The following BORCS8 variants were observed in gnomAD, a reference collection of about 807,000 sequenced individuals.
The protein encoded by BORCS8 is BLOC-1-related complex subunit 8.
BORCS8 carries 13 observed loss-of-function variants against 18.7 expected under a neutral mutation model. The observed-to-expected ratio is 0.70, with a 90% confidence interval of 0.45 to 1.11. BORCS8 has a LOEUF of 1.11. Among genes scored for constraint, BORCS8 ranks in the 50% least tolerant of loss-of-function variants. BORCS8 has a pLI of 0.00. For missense variants in BORCS8, 165 were observed against 165.7 expected (o/e 1.00, Z 0.02); for synonymous variants, 68 against 64.8 (o/e 1.05, Z -0.24).
intron 3 of BORCS8, among the ~76,000 whole-genome samples, chr19:19,185,491 G>T (rs2060397424): frequency 6.6e-6 from 1 of 152,168 alleles, no homozygotes; most frequent in South Asian, 2.1e-4. Context: ...TTTGAGACCA[G>T]CCTGGCCAAC....
intron 2 of BORCS8, 35 bp downstream of exon 2, chr19:19,186,858 A>G (rs1425629252): frequency 1.4e-6 from 2 of 1,443,194 alleles, no homozygotes; most frequent in Admixed American, 2.3e-5. Context: ...TCCTGCCCTG[A>G]CAGCCCCTGC....
chr19:19,191,011 A>C (rs1205721605), intron 1 of BORCS8, among the ~76,000 whole-genome samples: 1 of 152,208 alleles, frequency 6.6e-6, no homozygotes, highest in African/African-American at 2.4e-5. Flanking sequence ...AGTGATGTGT[A>C]GGCCTGTATT....
intron 3 of BORCS8, among the ~76,000 whole-genome samples, chr19:19,183,810 T>C (rs539585206): frequency 6.6e-6 from 1 of 150,914 alleles, no homozygotes; most frequent in African/African-American, 2.4e-5. Flanking sequence ...CCTCAGGGGA[T>C]CCTCCTGCCT....
At chr19:19,191,575 T>C (rs2060478849) in intron 1 of BORCS8, among the ~76,000 whole-genome samples, 1 of 150,976 alleles carries the variant, frequency 6.6e-6, no homozygotes, top group East Asian at 2.0e-4. Context: ...AATATCAGGT[T>C]GTTGAGTTTT....
intron 3 of BORCS8, among the ~76,000 whole-genome samples, chr19:19,185,172 G>A (rs80242743): frequency 0.027 from 4,063 of 152,270 alleles, 197 homozygotes; most frequent in African/African-American, 0.092. Flanking sequence ...AGGCACCTTC[G>A]CCCACACAAC....
At position 19,182,009 on chromosome 19, in the gene BORCS8, TA is replaced by T. The variant is rs545404300; in HGVS notation, c.326+563del. Reference sequence around the variant, plus strand: ...GTTTTCAGACCCCTGGTCCTGGGCTTAAAGCCTCCCTTGGCTCTGGGTCCTG... The same window carrying T: ...GTTTTCAGACCCCTGGTCCTGGGCTTAAGCCTCCCTTGGCTCTGGGTCCTG... On this transcript the variant is annotated intron_variant, in intron 4 of 5. Coordinates refer to ENST00000462790, the MANE Select transcript of BORCS8 (RefSeq NM_001145784.2). This position sits in a 1 kb window ranked among gnomAD's most constrained non-coding sequence, Gnocchi z 4.1. 31 of 985,474 alleles carry T rather than the reference TA, an allele frequency of 3.1e-5. No homozygotes were observed. In the East Asian group the frequency reaches 3.3e-3, roughly 105 times the overall value. 61.0% of individuals were successfully genotyped at this position (985,474 alleles called of 1,614,324 possible).
chr19:19,188,960 G>A (rs1057186068), intron 1 of BORCS8, among the ~76,000 whole-genome samples: 3 of 151,800 alleles, frequency 2.0e-5, no homozygotes, highest in South Asian at 2.1e-4. Context: ...TCAGCCTCCC[G>A]AGTAGCTGGG....
chr19:19,177,684 GGAAGGAAGGAAGA>G (rs1441364993), intron 5 of BORCS8: 17 of 47,644 alleles, frequency 3.6e-4, no homozygotes, highest in East Asian at 2.4e-3. Flanking sequence ...AAGGAAGGAA[GGAAGGAAGGAAGA>G]GAAAAGAAAA....
chr19:19,177,681 GAAGGAAGGAAGGAAGAGA>G lies in BORCS8; in HGVS notation c.*43-239_*43-222del, dbSNP rs1444822744. 2.3e-3 allele frequency: 213 copies of G among 92,846 alleles called. 6 individuals are homozygous for G. The highest frequency in any genetic ancestry group is 0.012 in the African/African-American group (192 of 16,326). The allele number at this position is 92,846 out of a possible 1,614,324, so 5.8% of individuals were successfully genotyped here. A position where few individuals can be genotyped will look rare whatever the true frequency, so the allele number is the denominator to read the frequency against. ...GGAAGGAAGGAAGGAAGGAAGGAAG[GAAGGAAGGAAGGAAGAGA>G]AAAGAAAAGAAAAGAAAAGAAAAGA... On this transcript the variant is annotated intron_variant, in intron 5 of 5. Coordinates refer to ENST00000462790, the MANE Select transcript of BORCS8 (RefSeq NM_001145784.2).
rs1394903697 is a variant in BORCS8 at position 19,180,742 on chromosome 19, G to C, written c.346C>G (p.Pro116Ala). 10 of 1,549,986 alleles carry C rather than the reference G, an allele frequency of 6.5e-6. No homozygotes were observed. Among genetic ancestry groups the C allele is most frequent in the Non-Finnish European group, 8.7e-6 (10 of 1,146,514 alleles). Residue 116 changes from proline to alanine, a missense_variant, in exon 5 of 6, where the codon CCC becomes GCC. Physicochemically the swap from Pro to Ala is conservative, Grantham distance 27. Transcript: ENST00000462790. ...CTCTTCCAGGATCAGGCTGAGGAGG[G>C]CGGGGGTGGTTCCTCCGGGCTGCAA... ...QGHSPEEPPPPSSA is the reference protein window; with the variant it reads ...QGHSPEEPPPASSA
Position 19,177,683 on chromosome 19 carries a change from AGGAAGGAAGGAAG to A in BORCS8, c.*43-236_*43-224del, listed in dbSNP as rs1164883439. 317 of 76,136 alleles carry A rather than the reference AGGAAGGAAGGAAG, an allele frequency of 4.2e-3. 6 individuals carry two copies. Among genetic ancestry groups the A allele is most frequent in the Admixed American group, 7.3e-3 (40 of 5,466 alleles). 4.7% of individuals were successfully genotyped at this position (76,136 alleles called of 1,614,324 possible). ...AAGGAAGGAAGGAAGGAAGGAAGGA[AGGAAGGAAGGAAG>A]AGAAAAGAAAAGAAAAGAAAAGAAA... On this transcript the variant is annotated intron_variant, in intron 5 of 5. Transcript: ENST00000462790.
At position 19,192,108 on chromosome 19, in the gene BORCS8, G is replaced by A; in HGVS notation, c.10C>T (p.Pro4Ser). 1 of 1,551,360 alleles carries A rather than the reference G, an allele frequency of 6.4e-7. No homozygotes were observed. The highest frequency in any genetic ancestry group is 8.7e-7 in the Non-Finnish European group (1 of 1,146,874). The change falls in exon 1 of 6, where the codon CCG becomes TCG. Residue 4 changes from proline (P) to serine (S), a missense_variant. Coordinates refer to ENST00000462790, the MANE Select transcript of BORCS8 (RefSeq NM_001145784.2). MEE[P>S]EMQLKGKKVT... ...TTCTTCCCCTTGAGCTGCATCTCCG[G>A]CTCCTCCATAGCGACCGCGGCCGAG...
Position 19,186,938 on chromosome 19 carries a change from CA to C in BORCS8, c.104del (p.Leu35ArgfsTer40). On this transcript the variant is annotated frameshift_variant, in exon 2 of 6. Transcript: ENST00000462790. LOFTEE classifies it high-confidence loss of function. ...GGAGGGAGCGACGCACATGCTCCTG[CA>C]GCCGGTACAGGGCCACGGATGGCTC... ...ANEPSVALYR[L>X]QEHVRRSLPE... The C allele has an allele frequency of 6.4e-7, 1 of 1,551,220 alleles. No individual in the cohort carries two copies. The highest frequency in any genetic ancestry group is 2.4e-5 in the East Asian group (1 of 40,882).
At chr19:19,177,692 G>GAAAA (rs1555777404) in intron 5 of BORCS8, 1,249 of 48,806 alleles carry the variant, frequency 0.026, 62 homozygotes, top group South Asian at 0.082. Context: ...AAGGAAGGAA[G>GAAAA]GAAGAGAAAA....
intron 5 of BORCS8, 43 bp downstream of exon 5, chr19:19,180,643 T>C: frequency 2.9e-6 from 4 of 1,380,440 alleles, no homozygotes; most frequent in Middle Eastern, 2.4e-4. Context: ...GGTTGGTTAG[T>C]TCAGAGCAGA....
At chr19:19,191,934 A>C (rs1464358183) in intron 1 of BORCS8, 147 bp downstream of exon 1, 2 of 920,878 alleles carry the variant, frequency 2.2e-6, no homozygotes, top group Admixed American at 2.4e-5. Context: ...GCCTTTCTAC[A>C]GGTTTCAAAA....
Position 19,186,084 on chromosome 19 carries a change from AC to A in BORCS8, c.164del (p.Arg55LeufsTer20), listed in dbSNP as rs969341221. On this transcript the variant is annotated frameshift_variant, in exon 3 of 6. Transcript: ENST00000462790. LOFTEE classifies it high-confidence loss of function. Reference protein sequence around the residue: ...ELAQHKADMQRWEEQSQGAIY... With the variant: ...ELAQHKADMQXWEEQSQGAIY... ...TGGCTCCCTGGCTCTGCTCCTCCCA[AC>A]GCTGCATGTCTGCCTGTAGGGGGCG... The A allele has an allele frequency of 5.2e-6, 8 of 1,551,418 alleles. No homozygotes were observed. The African/African-American group carries it at 1.1e-4, about 21-fold the overall frequency.
Position 19,192,071 on chromosome 19 carries a change from C to T in BORCS8, c.37+10G>A. The T allele has an allele frequency of 6.4e-7, 1 of 1,551,258 alleles. No homozygotes were observed. Among genetic ancestry groups the T allele is most frequent in the Non-Finnish European group, 8.7e-7 (1 of 1,146,802 alleles). On this transcript the variant is annotated intron_variant, in intron 1 of 5. Transcript: ENST00000462790. ...CGGCCCCCTCTGTCCCGCCCGCAGGCCCGCACCACCTTTCTTCCCCTTGAG... is the reference window on the plus strand; with the variant it reads ...CGGCCCCCTCTGTCCCGCCCGCAGGTCCGCACCACCTTTCTTCCCCTTGAG...
In BORCS8 at chr19:19,186,108, G is replaced by A; in HGVS notation, c.151-10C>T. Reference sequence around the variant, plus strand: ...AACGCTGCATGTCTGCCTGTAGGGGGCGCAGGAGATATTTGGCAAGGGAGG... The same window carrying A: ...AACGCTGCATGTCTGCCTGTAGGGGACGCAGGAGATATTTGGCAAGGGAGG... On this transcript the variant is annotated splice_polypyrimidine_tract_variant and intron_variant, in intron 2 of 5. Coordinates refer to ENST00000462790, the MANE Select transcript of BORCS8 (RefSeq NM_001145784.2). 2 of 1,551,392 alleles carry A rather than the reference G, an allele frequency of 1.3e-6. No homozygotes were observed. The highest frequency in any genetic ancestry group is 1.7e-6 in the Non-Finnish European group (2 of 1,146,922).
Sources: gnomAD v4.1 joint callset for allele counts (sites outside exome capture counted in the v4.1 genomes callset) on GRCh38, gnomAD v4.1.1 for gene constraint, Gnocchi (gnomAD v3.1) non-coding constraint, MANE v1.5 for transcripts, NCBI Gene and HGNC (gene_info 2026-07-23, HGNC 2026-07-21) for gene names.